PRDM16: variants seen among roughly 807,000 people sequenced by gnomAD.
PRDM16 encodes the protein histone-lysine N-methyltransferase PRDM16.
PRDM16 carries 23 observed loss-of-function variants against 110.6 expected under a neutral mutation model. That is an observed-to-expected ratio of 0.21 (90% CI 0.15 to 0.29). The LOEUF is 0.29. Ranked by LOEUF, PRDM16 falls within the 10% of genes least tolerant of loss-of-function variation. The pLI, the probability that PRDM16 is intolerant of heterozygous loss-of-function variation, is 1.00. For synonymous variants in PRDM16, 799 were observed against 781.8 expected, an observed-to-expected ratio of 1.02 and a Z score of -0.37; for missense variants, 1,615 against 1,794.3, an observed-to-expected ratio of 0.90 and a Z score of 1.81.
Position 3,412,422 on chromosome 1 carries a change from A to G in PRDM16, c.2225A>G (p.Asp742Gly), listed in dbSNP as rs1643707625. Reference protein sequence around the residue: ...NFPHSLYPFTDRALAHNLLVK... With the variant: ...NFPHSLYPFTGRALAHNLLVK... ...CCCCACTCCCTTTACCCCTTCACGG[A>G]CCGAGCCCTCGCCCACAACTTGCTG... is the stretch of plus-strand genomic sequence containing the variant. The change falls in exon 9 of 17, where the codon GAC becomes GGC. Residue 742 changes from aspartate to glycine, a missense_variant. Physicochemically the swap from Asp to Gly is moderately conservative, Grantham distance 94. Coordinates refer to ENST00000270722, the MANE Select transcript of PRDM16 (RefSeq NM_022114.4). 3 of 1,612,390 alleles carry G rather than the reference A, an allele frequency of 1.9e-6. No homozygotes were observed. The highest frequency in any genetic ancestry group is 2.5e-6 in the Non-Finnish European group (3 of 1,179,460).
chr1:3,386,101 G>A (rs906223320), intron 4 of PRDM16, among the ~76,000 whole-genome samples: 10 of 152,298 alleles, frequency 6.6e-5, no homozygotes, highest in Admixed American at 2.6e-4. Flanking sequence ...CAGGCCTCCC[G>A]GGCGGCACTT....
intron 2 of PRDM16, among the ~76,000 whole-genome samples, chr1:3,236,248 C>T (rs528139832): frequency 2.0e-5 from 3 of 152,204 alleles, no homozygotes; most frequent in Admixed American, 6.5e-5. Context: ...TCTCCCACAG[C>T]CCCTGGGGCT....
chr1:3,073,187 C>T (rs1379796134), intron 1 of PRDM16, among the ~76,000 whole-genome samples: 1 of 152,202 alleles, frequency 6.6e-6, no homozygotes. Context: ...TGCCGGGAGG[C>T]TGGGTGAAGG....
chr1:3,424,214 C>A (rs970049577), intron 12 of PRDM16, among the ~76,000 whole-genome samples: 1 of 152,238 alleles, frequency 6.6e-6, no homozygotes, highest in Non-Finnish European at 1.5e-5. Context: ...TCCCCCTCTT[C>A]GTTTCAGGCA....
At chr1:3,319,121 A>G (rs561600430) in intron 3 of PRDM16, among the ~76,000 whole-genome samples, 23 of 152,260 alleles carry the variant, frequency 1.5e-4, no homozygotes, top group South Asian at 4.1e-4. Context: ...CACTTTTCAG[A>G]GGTCGTCTGG....
chr1:3,194,620 A>G (rs113960476), intron 2 of PRDM16, among the ~76,000 whole-genome samples: 16,741 of 110,882 alleles, frequency 0.15, 1,161 homozygotes, highest in African/African-American at 0.27. Context: ...CCGTCTCCCC[A>G]CCACACGCCA....
chr1:3,293,773 G>A (rs553051709), intron 3 of PRDM16, among the ~76,000 whole-genome samples: 3 of 152,194 alleles, frequency 2.0e-5, no homozygotes, highest in Admixed American at 6.5e-5. Flanking sequence ...CCAGGGGTCC[G>A]GGAGTCGGCA....
intron 1 of PRDM16, among the ~76,000 whole-genome samples, chr1:3,146,247 G>A (rs1047166182): frequency 3.3e-5 from 5 of 152,196 alleles, no homozygotes; most frequent in Admixed American, 1.3e-4. Flanking sequence ...ACCAATGAAC[G>A]TTCGCTGACT....
intron 12 of PRDM16, among the ~76,000 whole-genome samples, chr1:3,422,448 G>C (rs976695640): frequency 1.3e-5 from 2 of 152,248 alleles, no homozygotes; most frequent in Non-Finnish European, 2.9e-5. Flanking sequence ...CCCCAGCTGG[G>C]TGGGAAGCCT....
At chr1:3,331,301 C>CG (rs1239426238) in intron 3 of PRDM16, among the ~76,000 whole-genome samples, 1 of 151,950 alleles carries the variant, frequency 6.6e-6, no homozygotes, top group Non-Finnish European at 1.5e-5. Context: ...GCAGCCCCCC[C>CG]CCGGCACACT....
At chr1:3,191,066 G>T (rs1638297739) in intron 2 of PRDM16, among the ~76,000 whole-genome samples, 1 of 152,156 alleles carries the variant, frequency 6.6e-6, no homozygotes, top group Admixed American at 6.5e-5. Flanking sequence ...AGGTCTGCTT[G>T]TTTCTTTGTT....
intron 1 of PRDM16, among the ~76,000 whole-genome samples, chr1:3,075,376 T>C (rs1641874000): frequency 6.6e-6 from 1 of 152,224 alleles, no homozygotes; most frequent in Admixed American, 6.5e-5. Flanking sequence ...AATAAAAAAA[T>C]AAACCAGTGG....
chr1:3,214,615 T>C (rs923497498), intron 2 of PRDM16, among the ~76,000 whole-genome samples: 7 of 152,202 alleles, frequency 4.6e-5, no homozygotes, highest in Non-Finnish European at 1.5e-5. Context: ...GAGAAATGCT[T>C]GAGCTCAGGA....
chr1:3,411,986 G>A lies in PRDM16; in HGVS notation c.1789G>A (p.Asp597Asn), dbSNP rs753255714. ...CVEKLKTRSS[D>N]MSDGSDFEDV... ...GGAGAAGCTGAAGACCAGGAGCAGC[G>A]ACATGTCGGACGGCAGTGACTTTGA... is the stretch of plus-strand genomic sequence containing the variant. The change falls in exon 9 of 17, where the codon GAC (aspartate) becomes AAC (asparagine). Residue 597 changes from aspartate (D) to asparagine (N), a missense_variant. Asp to Asn is a conservative substitution (Grantham distance 23). Coordinates refer to ENST00000270722, the MANE Select transcript of PRDM16 (RefSeq NM_022114.4). 42 of 1,613,546 alleles carry A rather than the reference G, an allele frequency of 2.6e-5. No homozygotes were observed. Among genetic ancestry groups the A allele is most frequent in the South Asian group, 6.6e-5 (6 of 91,080 alleles).
chr1:3,330,699 C>G lies in PRDM16; in HGVS notation c.439-54453C>G, dbSNP rs537754646. On this transcript the variant is annotated intron_variant, in intron 3 of 16. Transcript: ENST00000270722. Reference sequence around the variant, plus strand: ...CAGTCCAATGGCAGAACAAACAGCCCAGAGAGGTTGTTGGGGAGGGTGGGT... The same window carrying G: ...CAGTCCAATGGCAGAACAAACAGCCGAGAGAGGTTGTTGGGGAGGGTGGGT... 8.2e-4 allele frequency among the ~76,000 whole-genome samples: 125 copies of G among 152,346 alleles called. No individual in the cohort carries two copies. In the South Asian group the frequency reaches 0.023, roughly 28 times the overall value.
At chr1:3,285,481 C>T (rs1298065898) in intron 3 of PRDM16, among the ~76,000 whole-genome samples, 3 of 152,176 alleles carry the variant, frequency 2.0e-5, no homozygotes, top group Non-Finnish European at 2.9e-5. Context: ...TCACAAATCT[C>T]GGGACGGACA....
At chr1:3,362,587 G>A (rs1331859667) in intron 3 of PRDM16, among the ~76,000 whole-genome samples, 3 of 152,158 alleles carry the variant, frequency 2.0e-5, no homozygotes, top group African/African-American at 7.2e-5. Flanking sequence ...AAGCAGGGTC[G>A]CCTGGGACTG....
At chr1:3,114,303 ACG>A (rs1429445436) in intron 1 of PRDM16, among the ~76,000 whole-genome samples, 6 of 121,624 alleles carry the variant, frequency 4.9e-5, no homozygotes, top group East Asian at 3.0e-4. Context: ...ACGCACACGC[ACG>A]CACACACACG....
chr1:3,109,444 T>A (rs1316547585), intron 1 of PRDM16, among the ~76,000 whole-genome samples: 1 of 152,192 alleles, frequency 6.6e-6, no homozygotes, highest in Non-Finnish European at 1.5e-5. Context: ...CTCCTGCAGA[T>A]GTTCAGACTA....
Sources: gnomAD v4.1 joint callset for allele counts (sites outside exome capture counted in the v4.1 genomes callset) on GRCh38, gnomAD v4.1.1 for gene constraint, MANE v1.5 for transcripts, NCBI Gene and HGNC (gene_info 2026-07-23, HGNC 2026-07-21) for gene names.